The following RAB44 variants were observed in gnomAD, a reference collection of about 807,000 sequenced individuals.
RAB44 encodes the protein RAB44, member RAS oncogene family.
In RAB44, 67 loss-of-function variants were observed where a neutral mutation model predicts 93.3. That is an observed-to-expected ratio of 0.72 (90% CI 0.59 to 0.88). The LOEUF (loss-of-function observed/expected upper bound fraction) is 0.88, where lower values mean the gene tolerates loss of function less well. Ranked by LOEUF, RAB44 falls within the 40% of genes least tolerant of loss-of-function variation. RAB44 has a pLI of 0.00. For synonymous variants in RAB44, 427 were observed against 520.3 expected (o/e 0.82, Z 2.44); for missense variants, 1,064 against 1,261.7 (o/e 0.84, Z 2.37).
chr6:36,707,240 C>G (rs1389287948), intron 2 of RAB44, among the ~76,000 whole-genome samples: 1 of 151,836 alleles, frequency 6.6e-6, no homozygotes, highest in Non-Finnish European at 1.5e-5. Flanking sequence ...GTCTGTAATC[C>G]TAGCTACTTG....
In RAB44 at chr6:36,721,323, G is replaced by T; in HGVS notation, c.1189G>T (p.Ala397Ser). Residue 397 changes from alanine to serine, a missense_variant, in exon 9 of 14, where the codon GCC becomes TCC. Ala to Ser is a moderately conservative substitution (Grantham distance 99, BLOSUM62 1). Transcript: ENST00000612677. ...LCWSPPPTPR[A>S]TSGPQTPRVV... is the part of the protein sequence containing the mutation. Reference sequence around the variant, plus strand: ...CTGGAGCCCGCCCCCGACCCCAAGAGCCACCTCAGGCCCCCAGACACCCCG... The same window carrying T: ...CTGGAGCCCGCCCCCGACCCCAAGATCCACCTCAGGCCCCCAGACACCCCG... The T allele has an allele frequency of 3.2e-6, 4 of 1,233,392 alleles. No homozygotes were observed. The highest frequency in any genetic ancestry group is 4.1e-6 in the Non-Finnish European group (4 of 987,596). 76.4% of individuals were successfully genotyped at this position (1,233,392 alleles called of 1,614,324 possible).
intron 7 of RAB44, 37 bp from the exon 8 acceptor site, chr6:36,720,326 A>T (rs1324793252): frequency 4.1e-6 from 5 of 1,231,664 alleles, no homozygotes; most frequent in Non-Finnish European, 5.1e-6. Context: ...CCTGGAGGGC[A>T]TCTGGGCTTC....
In RAB44 at chr6:36,721,923, G is replaced by A. The variant is rs748833725; in HGVS notation, c.1789G>A (p.Gly597Ser). The A allele has an allele frequency of 1.1e-5, 14 of 1,234,764 alleles. No homozygotes were observed. The highest frequency in any genetic ancestry group is 3.2e-5 in the East Asian group (1 of 31,714). The allele number at this position is 1,234,764 out of a possible 1,614,324, so 76.5% of individuals were successfully genotyped here. A position where few individuals can be genotyped will look rare whatever the true frequency, so the allele number is the denominator to read the frequency against. ...CCTCCAGCAGGACCTGCATGCCACT[G>A]GCTCTGAGCCAAGACTGGGGACCCA... The part of the protein sequence containing the change: ...DALQQDLHAT[G>S]SEPRLGTQRA... Residue 597 changes from glycine (G) to serine (S), a missense_variant, in exon 9 of 14, where the codon GGC (glycine) becomes AGC (serine). By Grantham distance (56) the Gly-to-Ser change is moderately conservative. Coordinates refer to ENST00000612677, the MANE Select transcript of RAB44 (RefSeq NM_001257357.2).
intron 4 of RAB44, 37 bp downstream of exon 4, chr6:36,715,690 T>A: frequency 6.5e-7 from 1 of 1,528,240 alleles, no homozygotes; most frequent in South Asian, 1.2e-5. Flanking sequence ...GGAGAGGCTC[T>A]GCCAGCCATT....
chr6:36,728,606 C>T (rs1332307308), intron 11 of RAB44, 94 bp from the exon 12 acceptor site: 7 of 951,496 alleles, frequency 7.4e-6, no homozygotes, highest in Non-Finnish European at 1.7e-6. Context: ...GGAGGGGGAA[C>T]ATGCGGGGGA....
intron 1 of RAB44, among the ~76,000 whole-genome samples, chr6:36,703,264 A>G (rs1762555513): frequency 6.6e-6 from 1 of 152,164 alleles, no homozygotes; most frequent in Non-Finnish European, 1.5e-5. Context: ...CCATGACCCA[A>G]ACAATTCCCA....
At chr6:36,728,624 C>A in intron 11 of RAB44, 76 bp from the exon 12 acceptor site, 1 of 1,206,682 alleles carries the variant, frequency 8.3e-7, no homozygotes, top group Non-Finnish European at 1.2e-6. Flanking sequence ...GGACACAGTT[C>A]AGCTTCTAGG....
At chr6:36,729,520 T>C (rs565574898) in intron 12 of RAB44, among the ~76,000 whole-genome samples, 3 of 151,382 alleles carry the variant, frequency 2.0e-5, no homozygotes, top group African/African-American at 7.3e-5. Context: ...TCTTGCTCTG[T>C]CACCCAGGCT....
intron 2 of RAB44, among the ~76,000 whole-genome samples, chr6:36,707,626 G>T (rs1228279116): frequency 6.6e-6 from 1 of 152,140 alleles, no homozygotes; most frequent in African/African-American, 2.4e-5. Flanking sequence ...TCAGTCAAAA[G>T]GACATCCAGT....
chr6:36,720,612 A>G (rs1391821957), intron 8 of RAB44, 62 bp downstream of exon 8: 14 of 1,171,818 alleles, frequency 1.2e-5, no homozygotes, highest in Non-Finnish European at 1.5e-5. Flanking sequence ...CCAGTGGGGA[A>G]CTCTGAGTTC....
chr6:36,702,542 A>G (rs1348652627), intron 1 of RAB44, among the ~76,000 whole-genome samples: 1 of 152,194 alleles, frequency 6.6e-6, no homozygotes, highest in African/African-American at 2.4e-5. Context: ...TCAACAGAGA[A>G]TGCCCAGGGG....
rs1248928951 is a variant in RAB44 at position 36,717,573 on chromosome 6, G to A, written c.641+154G>A. Among the ~76,000 whole-genome samples the A allele has an allele frequency of 6.6e-6, 1 of 152,198 alleles. No homozygotes were observed. Among genetic ancestry groups the A allele is most frequent in the Non-Finnish European group, 1.5e-5 (1 of 68,032 alleles). ...GGAGGAAGAGGTGGCTCAGGGGACC[G>A]GGTGGGGAGGACAGAGTTGGTAATG... On this transcript the variant is annotated intron_variant, in intron 5 of 13. Coordinates refer to ENST00000612677, the MANE Select transcript of RAB44 (RefSeq NM_001257357.2). The surrounding 1 kb of genome is among the most constrained non-coding windows in gnomAD (Gnocchi z 4.1).
At chr6:36,729,359 C>T (rs1387515525) in intron 12 of RAB44, among the ~76,000 whole-genome samples, 1 of 152,168 alleles carries the variant, frequency 6.6e-6, no homozygotes, top group African/African-American at 2.4e-5. Flanking sequence ...CTCGCCCCAC[C>T]TCTCACACAA....
In RAB44 at chr6:36,715,662, A is replaced by G. The variant is rs1481474479; in HGVS notation, c.494+9A>G. On this transcript the variant is annotated intron_variant, in intron 4 of 13. Transcript: ENST00000612677. ...GGACACTTACTTCCCAAGTAAGGCC[A>G]GGGCGGCATGTGCATGGGGAGAGGC... The G allele has an allele frequency of 8.5e-6, 13 of 1,535,454 alleles. No homozygotes were observed. The East Asian group carries it at 2.7e-4, about 32-fold the overall frequency.
chr6:36,700,160 TC>T (rs1049130323), intron 1 of RAB44, among the ~76,000 whole-genome samples: 8 of 152,204 alleles, frequency 5.3e-5, no homozygotes, highest in Admixed American at 4.6e-4. Flanking sequence ...AACTGATGTT[TC>T]AACTTTAATT....
Position 36,715,557 on chromosome 6 carries a change from C to G in RAB44, c.398C>G (p.Thr133Ser). The G allele has an allele frequency of 1.3e-6, 2 of 1,536,156 alleles. No homozygotes were observed. The highest frequency in any genetic ancestry group is 1.7e-6 in the Non-Finnish European group (2 of 1,146,890). The change falls in exon 4 of 14, where the codon ACC becomes AGC. Residue 133 changes from threonine to serine, a missense_variant. Transcript: ENST00000612677. Reference sequence around the variant, plus strand: ...CTGCCCTCTAAGCGGGTATCTGCTACCACCAGCTTCCCAGCTCTGGAGGAG... The same window carrying G: ...CTGCCCTCTAAGCGGGTATCTGCTAGCACCAGCTTCCCAGCTCTGGAGGAG... ...KPLPSKRVSA[T>S]TSFPALEEAD...
At chr6:36,699,005 G>C (rs1190472228) in intron 1 of RAB44, among the ~76,000 whole-genome samples, 1 of 152,174 alleles carries the variant, frequency 6.6e-6, no homozygotes, top group Non-Finnish European at 1.5e-5. Flanking sequence ...TGCTGTCAGG[G>C]ATCTGAATGT....
chr6:36,699,374 C>T (rs1762459146), intron 1 of RAB44, among the ~76,000 whole-genome samples: 1 of 152,154 alleles, frequency 6.6e-6, no homozygotes, highest in African/African-American at 2.4e-5. Context: ...ACATCCTACA[C>T]CTGTGGGAGC....
chr6:36,730,976 C>T (rs1021928892), intron 13 of RAB44, among the ~76,000 whole-genome samples: 4 of 152,098 alleles, frequency 2.6e-5, no homozygotes, highest in African/African-American at 9.7e-5. Context: ...CGCTGAATCA[C>T]TCCCCACAGG....
Sources: gnomAD v4.1 joint callset for allele counts (sites outside exome capture counted in the v4.1 genomes callset) on GRCh38, gnomAD v4.1.1 for gene constraint, Gnocchi (gnomAD v3.1) non-coding constraint, MANE v1.5 for transcripts, NCBI Gene and HGNC (gene_info 2026-07-23, HGNC 2026-07-21) for gene names.